Variants in NRG4 observed in about 807,000 individuals in gnomAD.
NRG4 encodes the protein neuregulin 4.
A neutral mutation model predicts 15.0 loss-of-function variants in NRG4; 10 were observed. The observed-to-expected ratio is 0.67, with a 90% CI of 0.41 to 1.13. The LOEUF (loss-of-function observed/expected upper bound fraction) is 1.13. NRG4 is among the 50% of genes most tolerant of loss of function. NRG4 has a pLI of 0.00. For missense variants in NRG4, 139 were observed against 140.2 expected, an observed-to-expected ratio of 0.99 and a Z score of 0.04; for synonymous variants, 41 against 50.1, an observed-to-expected ratio of 0.82 and a Z score of 0.77.
At chr15:76,017,779 T>C (rs925523173) in intron 5 of NRG4, among the ~76,000 whole-genome samples, 4 of 152,144 alleles carry the variant, frequency 2.6e-5, no homozygotes, top group African/African-American at 9.7e-5. Context: ...CATTTCAACC[T>C]TGGTGAATCT....
In NRG4 at chr15:76,040,241, C is replaced by G. The variant is rs146523049; in HGVS notation, c.-104-4250G>C. 5.5e-3 allele frequency among the ~76,000 whole-genome samples: 831 copies of G among 152,256 alleles called. 12 individuals carry two copies. The highest frequency in any genetic ancestry group is 0.019 in the African/African-American group (787 of 41,546). On this transcript the variant is annotated intron_variant, in intron 4 of 8. Transcript: ENST00000563910. ...AGCAGACTTTTCAGTGGAAAACTTA[C>G]AGGGCAGGAGAGAGTGGCATGATTT... is the stretch of plus-strand genomic sequence containing the variant.
Position 75,975,417 on chromosome 15 carries a change from T to C in NRG4, c.105-13443A>G, listed in dbSNP as rs574588605. Among the ~76,000 whole-genome samples the C allele has an allele frequency of 5.3e-5, 8 of 152,334 alleles. No homozygotes were observed. In the South Asian group the frequency reaches 1.7e-3, roughly 32 times the overall value. On this transcript the variant is annotated intron_variant, in intron 3 of 5. Coordinates refer to ENST00000394907, the MANE Select transcript of NRG4 (RefSeq NM_138573.4). The stretch of plus-strand genomic sequence containing the variant: ...TGATGTTAGCTGGTTATTTTGCCTG[T>C]TAATTGATGCAGTTTCTTCATAGTG...
chr15:75,979,191 C>A (rs190619457), intron 3 of NRG4, among the ~76,000 whole-genome samples: 8 of 152,262 alleles, frequency 5.3e-5, no homozygotes, highest in African/African-American at 1.9e-4. Flanking sequence ...AAAAAAAAAT[C>A]TTTGCCCAGA....
chr15:76,018,969 G>A (rs1054173004), intron 5 of NRG4, among the ~76,000 whole-genome samples: 11 of 152,064 alleles, frequency 7.2e-5, no homozygotes, highest in African/African-American at 2.7e-4. Context: ...GGGAGATGGG[G>A]GTTTTATCCA....
At chr15:75,939,754 T>A (rs1281902432), downstream of NRG4, 1 of 152,136 alleles carries the variant, frequency 6.6e-6, no homozygotes, top group Non-Finnish European at 1.5e-5. Flanking sequence ...TATAATATAC[T>A]ACATTAACAG....
chr15:75,985,781 C>T (rs1297395490), intron 3 of NRG4, among the ~76,000 whole-genome samples: 1 of 151,340 alleles, frequency 6.6e-6, no homozygotes, highest in Admixed American at 6.6e-5. Flanking sequence ...CCATAAAAGA[C>T]TGATAAAATT....
chr15:75,989,637 G>C (rs1015729690), intron 3 of NRG4, among the ~76,000 whole-genome samples: 2 of 152,048 alleles, frequency 1.3e-5, no homozygotes, highest in African/African-American at 4.8e-5. Context: ...TCATTTTTCA[G>C]CTTCTAGAAA....
chr15:75,949,738 C>G (rs1170786645), intron 5 of NRG4, among the ~76,000 whole-genome samples: 3 of 151,932 alleles, frequency 2.0e-5, no homozygotes, highest in Non-Finnish European at 4.4e-5. Context: ...ATATTTAGAC[C>G]CATTTTGAAT....
chr15:76,012,884 A>C (rs1052104023), upstream of NRG4, among the ~76,000 whole-genome samples: 1 of 152,260 alleles, frequency 6.6e-6, no homozygotes, highest in East Asian at 1.9e-4. Context: ...ACCAAGTTCA[A>C]TTTGAAATGA....
At chr15:76,026,876 A>C (rs2035330124) in intron 5 of NRG4, among the ~76,000 whole-genome samples, 1 of 152,160 alleles carries the variant, frequency 6.6e-6, no homozygotes, top group Admixed American at 6.5e-5. Context: ...TAATCCCAGC[A>C]CTTTGTGAGG....
At chr15:75,983,595 T>C (rs1382200736) in intron 3 of NRG4, among the ~76,000 whole-genome samples, 1 of 152,080 alleles carries the variant, frequency 6.6e-6, no homozygotes, top group Non-Finnish European at 1.5e-5. Flanking sequence ...ATTATACATC[T>C]TGAAAACCCA....
intron 3 of NRG4, among the ~76,000 whole-genome samples, chr15:75,973,350 C>A (rs1254385549): frequency 2.0e-5 from 3 of 152,146 alleles, no homozygotes; most frequent in African/African-American, 7.2e-5. Flanking sequence ...TATTTGAATA[C>A]CCTTTATTTC....
In NRG4 at chr15:75,974,576, T is replaced by C. The variant is rs376332919; in HGVS notation, c.105-12602A>G. ...TATTGTGTCTTTGTTCTCATTTGTT[T>C]CAAATAACTTCTTTATTTCTGCCTT... On this transcript the variant is annotated intron_variant, in intron 3 of 5. Transcript: ENST00000394907. Among the ~76,000 whole-genome samples the C allele has an allele frequency of 1.9e-4, 29 of 152,360 alleles. No individual in the cohort carries two copies. In the East Asian group the frequency reaches 2.3e-3, roughly 12 times the overall value.
At chr15:76,000,085 T>C (rs2034353959) in intron 3 of NRG4, among the ~76,000 whole-genome samples, 1 of 152,156 alleles carries the variant, frequency 6.6e-6, no homozygotes, top group Non-Finnish European at 1.5e-5. Flanking sequence ...GGTTTCACCA[T>C]GTTGGCCAGG....
At position 75,941,964 on chromosome 15, in the gene NRG4, T is replaced by C. The variant is rs1435050676; in HGVS notation, c.*1674A>G. On this transcript the variant is annotated 3_prime_UTR_variant, in exon 6 of 6. Coordinates refer to ENST00000394907, the MANE Select transcript of NRG4 (RefSeq NM_138573.4). ...CCAAAAAAAAAAAAAAAAAAAAATATGGCCTAGCTTTTTTTTTTTTTTTTA... is the reference window on the plus strand; with the variant it reads ...CCAAAAAAAAAAAAAAAAAAAAATACGGCCTAGCTTTTTTTTTTTTTTTTA... 6 of 80,802 alleles carry C rather than the reference T, an allele frequency of 7.4e-5. No homozygotes were observed. The East Asian group carries it at 1.7e-3, about 23-fold the overall frequency. 5.0% of individuals were successfully genotyped at this position (80,802 alleles called of 1,614,324 possible).
At chr15:75,952,916 AT>A (rs2031996465) in intron 5 of NRG4, among the ~76,000 whole-genome samples, 1 of 152,206 alleles carries the variant, frequency 6.6e-6, no homozygotes, top group Non-Finnish European at 1.5e-5. Context: ...GATCATATGT[AT>A]AAGTCTCATA....
chr15:76,021,739 G>T (rs998991341), intron 5 of NRG4, among the ~76,000 whole-genome samples: 1 of 152,186 alleles, frequency 6.6e-6, no homozygotes, highest in Admixed American at 6.5e-5. Flanking sequence ...GACATATTGT[G>T]ATGATTTTGT....
intron 3 of NRG4, among the ~76,000 whole-genome samples, chr15:75,983,448 G>A (rs1180334089): frequency 6.6e-6 from 1 of 151,982 alleles, no homozygotes; most frequent in Non-Finnish European, 1.5e-5. Context: ...ACAATAAAAA[G>A]TAAAAAACAC....
At chr15:76,033,900 A>T (rs946676977) in intron 5 of NRG4, among the ~76,000 whole-genome samples, 1 of 152,226 alleles carries the variant, frequency 6.6e-6, no homozygotes, top group African/African-American at 2.4e-5. Context: ...AATAAGTTTT[A>T]AAAATCTAGT....
Sources: gnomAD v4.1 joint callset for allele counts (sites outside exome capture counted in the v4.1 genomes callset) on GRCh38, gnomAD v4.1.1 for gene constraint, MANE v1.5 for transcripts, NCBI Gene and HGNC (gene_info 2026-07-23, HGNC 2026-07-21) for gene names.